TRDN: variants seen among roughly 807,000 people sequenced by gnomAD.
TRDN encodes the protein triadin in skeletal muscle.
Under a neutral mutation model 149.7 loss-of-function variants are expected in TRDN, and 161 were observed. The ratio of observed to expected loss-of-function variants is 1.08; its 90% confidence interval spans 0.95 to 1.23. TRDN has a LOEUF of 1.23. Ranked by LOEUF, TRDN falls within the 50% of genes most tolerant of loss-of-function variation. TRDN has a pLI of 0.00. For synonymous variants in TRDN, 294 were observed against 250.5 expected (o/e 1.17, Z -1.64); for missense variants, 896 against 823.5 (o/e 1.09, Z -1.08).
chr6:123,479,447 C>T (rs1777645707), intron 9 of TRDN, among the ~76,000 whole-genome samples: 1 of 152,102 alleles, frequency 6.6e-6, no homozygotes, highest in Admixed American at 6.6e-5. Context: ...CTATAATTCC[C>T]CACAAGTGGA....
At position 123,443,246 on chromosome 6, in the gene TRDN, A is replaced by AT. The variant is rs1234340641; in HGVS notation, c.932-4244dup. Among the ~76,000 whole-genome samples, 3 of 149,158 alleles carry AT rather than the reference A, an allele frequency of 2.0e-5. No individual in the cohort carries two copies. In the East Asian group the frequency reaches 5.9e-4, roughly 29 times the overall value. ...ATATATACATATACATATTATATAT[A>AT]TTTTTTTGGACAAGTGATGATAAAG... On this transcript the variant is annotated intron_variant, in intron 10 of 40. Transcript: ENST00000334268.
At chr6:123,512,391 C>T in intron 6 of TRDN, 29 bp from the exon 7 acceptor site, 2 of 1,309,096 alleles carry the variant, frequency 1.5e-6, no homozygotes, top group Non-Finnish European at 2.1e-6. Flanking sequence ...CATTAGTACA[C>T]ATTTTTAATA....
At chr6:123,299,260 G>T (rs1029670516) in intron 24 of TRDN, among the ~76,000 whole-genome samples, 6 of 151,962 alleles carry the variant, frequency 3.9e-5, no homozygotes, top group African/African-American at 1.2e-4. Flanking sequence ...GGGGGTGAAG[G>T]GTTTGTGAGA....
At position 123,417,734 on chromosome 6, in the gene TRDN, C is replaced by T. The variant is rs1367387956; in HGVS notation, c.1051+20329G>A. The stretch of plus-strand genomic sequence containing the variant: ...GGCTAGGGGCAGAAAGAGAAAAATA[C>T]TGCCCTAAAGCCTTCAGGGCCAAGC... On this transcript the variant is annotated intron_variant, in intron 12 of 40. Coordinates refer to ENST00000334268, the MANE Select transcript of TRDN (RefSeq NM_006073.4). Among the ~76,000 whole-genome samples the T allele has an allele frequency of 2.0e-5, 3 of 152,184 alleles. No homozygotes were observed. The East Asian group carries it at 5.8e-4, about 29-fold the overall frequency.
intron 38 of TRDN, among the ~76,000 whole-genome samples, chr6:123,245,737 C>T (rs1006724251): frequency 4.6e-5 from 7 of 152,100 alleles, no homozygotes; most frequent in East Asian, 3.9e-4. Context: ...CTGACCCAAG[C>T]GGACCTAACA....
intron 1 of TRDN, among the ~76,000 whole-genome samples, chr6:123,611,157 A>T (rs1482859868): frequency 6.6e-6 from 1 of 152,242 alleles, no homozygotes; most frequent in Non-Finnish European, 1.5e-5. Context: ...CCTGTAAAAT[A>T]CTAAAATGTG....
chr6:123,381,280 G>C, intron 16 of TRDN, 90 bp downstream of exon 16: 1 of 1,210,380 alleles, frequency 8.3e-7, no homozygotes. Context: ...TAGGAAAAGC[G>C]GATTCAAAAT....
chr6:123,546,943 T>A (rs1275051715), intron 4 of TRDN, among the ~76,000 whole-genome samples: 1 of 151,852 alleles, frequency 6.6e-6, no homozygotes. Flanking sequence ...TGCAAAATAA[T>A]GATGGCAAAA....
At chr6:123,398,964 T>C (rs1562294839) in intron 12 of TRDN, among the ~76,000 whole-genome samples, 1 of 152,222 alleles carries the variant, frequency 6.6e-6, no homozygotes, top group East Asian at 1.9e-4. Context: ...CAGAAAATCT[T>C]CACCTCATCA....
intron 2 of TRDN, among the ~76,000 whole-genome samples, chr6:123,556,175 A>G (rs1019657470): frequency 6.6e-6 from 1 of 152,160 alleles, no homozygotes; most frequent in Non-Finnish European, 1.5e-5. Context: ...CATATATTTA[A>G]ATGCCTTACT....
chr6:123,335,039 C>G (rs1044586492), intron 22 of TRDN, among the ~76,000 whole-genome samples: 1 of 151,958 alleles, frequency 6.6e-6, no homozygotes, highest in African/African-American at 2.4e-5. Context: ...GATTCTGCCA[C>G]AGCTTAGCAG....
Position 123,217,210 on chromosome 6 carries a change from A to G in TRDN, c.*1391T>C, listed in dbSNP as rs1284183965. On this transcript the variant is annotated 3_prime_UTR_variant, in exon 41 of 41. Coordinates refer to ENST00000334268, the MANE Select transcript of TRDN (RefSeq NM_006073.4). ...AGTCTCCAAAAATGCATTATTAGTA[A>G]TGAATGTATTACTGATACCTAGCCT... is the stretch of plus-strand genomic sequence containing the variant. 1 of 151,984 alleles carries G rather than the reference A, an allele frequency of 6.6e-6. No homozygotes were observed. The highest frequency in any genetic ancestry group is 2.4e-5 in the African/African-American group (1 of 41,408). 9.4% of individuals were successfully genotyped at this position (151,984 alleles called of 1,614,324 possible).
At chr6:123,455,507 T>G (rs1173818892) in intron 10 of TRDN, among the ~76,000 whole-genome samples, 3 of 151,944 alleles carry the variant, frequency 2.0e-5, no homozygotes, top group Admixed American at 2.0e-4. Flanking sequence ...AAGGAGATGC[T>G]ATATTTTATT....
intron 12 of TRDN, among the ~76,000 whole-genome samples, chr6:123,410,207 C>G (rs1302966980): frequency 6.6e-6 from 1 of 152,130 alleles, no homozygotes; most frequent in Non-Finnish European, 1.5e-5. Flanking sequence ...TACAGTACTG[C>G]TCCAGACTAG....
intron 1 of TRDN, among the ~76,000 whole-genome samples, chr6:123,575,926 C>T (rs9388260): frequency 0.12 from 18,185 of 152,052 alleles, 1,169 homozygotes; most frequent in African/African-American, 0.17. Flanking sequence ...AGGAAGACAC[C>T]TACATTCTAG....
chr6:123,510,542 T>G (rs1779123195), intron 7 of TRDN, among the ~76,000 whole-genome samples: 1 of 152,156 alleles, frequency 6.6e-6, no homozygotes, highest in Non-Finnish European at 1.5e-5. Flanking sequence ...TATCTAATAT[T>G]AAAGTGATAT....
chr6:123,543,195 A>G (rs1780937370), intron 4 of TRDN, among the ~76,000 whole-genome samples: 1 of 152,084 alleles, frequency 6.6e-6, no homozygotes, highest in African/African-American at 2.4e-5. Flanking sequence ...CACCTTTGCA[A>G]TTACGTAAGC....
chr6:123,533,114 C>T (rs531041714), intron 4 of TRDN, among the ~76,000 whole-genome samples: 1 of 152,180 alleles, frequency 6.6e-6, no homozygotes, highest in East Asian at 1.9e-4. Flanking sequence ...GAGATCATTC[C>T]TTACTCCTAG....
At chr6:123,290,079 C>T (rs1777949215) in intron 24 of TRDN, among the ~76,000 whole-genome samples, 1 of 152,120 alleles carries the variant, frequency 6.6e-6, no homozygotes, top group Non-Finnish European at 1.5e-5. Context: ...GAACATTTTT[C>T]TTTAGTGTCT....
Sources: allele counts gnomAD v4.1 joint callset (sites outside exome capture counted in the v4.1 genomes callset), GRCh38; gene constraint gnomAD v4.1.1; transcripts MANE v1.5; gene names NCBI Gene and HGNC (gene_info 2026-07-23, HGNC 2026-07-21).